The following TEX29 variants were observed in gnomAD, a reference collection of about 807,000 sequenced individuals.
The protein encoded by TEX29 is testis-expressed protein 29.
In TEX29, 26 loss-of-function variants were observed where a neutral mutation model predicts 18.2. That is an observed-to-expected ratio of 1.43 (90% CI 1.04 to 1.98). The LOEUF is 1.98. Among genes scored for constraint, TEX29 ranks in the 30% most tolerant of loss-of-function variants. The probability of loss-of-function intolerance (pLI) is 0.00; values close to 1 mark genes in which losing one functional copy is unlikely to be tolerated. For missense variants in TEX29, 177 were observed against 194.2 expected, an observed-to-expected ratio of 0.91 and a Z score of 0.53; for synonymous variants, 83 against 78.5, an observed-to-expected ratio of 1.06 and a Z score of -0.31.
At chr13:111,325,063 A>G (rs901733900) in intron 2 of TEX29, among the ~76,000 whole-genome samples, 3 of 151,060 alleles carry the variant, frequency 2.0e-5, no homozygotes, top group Non-Finnish European at 3.0e-5. Flanking sequence ...TTGAAACCTC[A>G]CTCCACGGGC....
intron 4 of TEX29, 42 bp from the exon 5 acceptor site, chr13:111,342,714 T>C: frequency 6.3e-7 from 1 of 1,593,078 alleles, no homozygotes; most frequent in Non-Finnish European, 8.6e-7. Context: ...GAGTTTTCCA[T>C]CTGTAACTTC....
At chr13:111,323,162 G>T (rs193024827) in intron 2 of TEX29, among the ~76,000 whole-genome samples, 37 of 152,300 alleles carry the variant, frequency 2.4e-4, no homozygotes, top group African/African-American at 7.7e-4. Context: ...AGCCCTGCTG[G>T]GCTTCCCCAT....
chr13:111,339,877 T>C lies in TEX29; in HGVS notation c.184T>C (p.Phe62Leu). The C allele has an allele frequency of 2.5e-6, 4 of 1,614,100 alleles. No homozygotes were observed. The highest frequency in any genetic ancestry group is 2.5e-6 in the Non-Finnish European group (3 of 1,179,954). ...CCATTTTTCAGTTTACATCCACGTG[T>C]TCTCTGCCTTGATTGTGATCATCGC... is the stretch of plus-strand genomic sequence containing the variant. ...KKAVPIYIHV[F>L]SALIVIIAGA... is the part of the protein sequence containing the mutation. Residue 62 changes from phenylalanine (F) to leucine (L), a missense_variant, in exon 4 of 6, where the codon TTC becomes CTC. By Grantham distance (22) the Phe-to-Leu change is conservative. Coordinates refer to ENST00000283547, the MANE Select transcript of TEX29 (RefSeq NM_152324.3).
In TEX29 at chr13:111,338,074, C is replaced by T. The variant is rs2479964; in HGVS notation, c.170-1789C>T. ...TGAGTCCAGGGAGTGCGGATCCCTT[C>T]GGAAGCTGGCTCATGTGCCCAGGAG... On this transcript the variant is annotated intron_variant, in intron 3 of 5. Coordinates refer to ENST00000283547, the MANE Select transcript of TEX29 (RefSeq NM_152324.3). 6.2e-3 allele frequency among the ~76,000 whole-genome samples: 945 copies of T among 152,168 alleles called. 12 individuals carry two copies. Among genetic ancestry groups the T allele is most frequent in the African/African-American group, 0.022 (909 of 41,542 alleles).
chr13:111,336,924 A>G (rs938294336), intron 3 of TEX29, among the ~76,000 whole-genome samples: 7 of 152,216 alleles, frequency 4.6e-5, no homozygotes, highest in African/African-American at 1.7e-4. Flanking sequence ...ACTGACGGTG[A>G]AATACTAAGA....
rs76999838 is a variant in TEX29, at chr13:111,328,497, C to T, written c.169+204C>T. Among the ~76,000 whole-genome samples the T allele has an allele frequency of 4.3e-3, 654 of 152,194 alleles. 8 individuals are homozygous for T. Among genetic ancestry groups the T allele is most frequent in the East Asian group, 0.026 (133 of 5,172 alleles). ...TGGGCTGGAGGGCCTGTGAATGTGA[C>T]GTAAGCCACCATAGGGGTTCCATTC... On this transcript the variant is annotated intron_variant, in intron 3 of 5. Coordinates refer to ENST00000283547, the MANE Select transcript of TEX29 (RefSeq NM_152324.3).
chr13:111,330,121 A>C (rs1463001496), intron 3 of TEX29, among the ~76,000 whole-genome samples: 1 of 151,684 alleles, frequency 6.6e-6, no homozygotes, highest in Non-Finnish European at 1.5e-5. Context: ...GGGGAAGAAG[A>C]GAAAAAGGAA....
At chr13:111,320,411 G>T (rs2093661842), upstream of TEX29, among the ~76,000 whole-genome samples, 1 of 152,198 alleles carries the variant, frequency 6.6e-6, no homozygotes, top group Non-Finnish European at 1.5e-5. Flanking sequence ...AGGGGCGGGG[G>T]TATCCTGCAG....
chr13:111,343,015 C>T, intron 5 of TEX29, 84 bp downstream of exon 5: 3 of 1,492,960 alleles, frequency 2.0e-6, no homozygotes, highest in Non-Finnish European at 1.8e-6. Context: ...GGAAGGGGCT[C>T]AACATCTACA....
chr13:111,337,344 A>G (rs2093690923), intron 3 of TEX29, among the ~76,000 whole-genome samples: 1 of 152,214 alleles, frequency 6.6e-6, no homozygotes, highest in Admixed American at 6.5e-5. Flanking sequence ...TTGGCGTCCC[A>G]GATGATTCAC....
At chr13:111,324,880 G>C (rs1332788925) in intron 2 of TEX29, among the ~76,000 whole-genome samples, 1 of 152,144 alleles carries the variant, frequency 6.6e-6, no homozygotes. Context: ...AAAAATAACG[G>C]AACGTTTACC....
At chr13:111,320,485 A>G (rs1279485032), upstream of TEX29, among the ~76,000 whole-genome samples, 3 of 152,154 alleles carry the variant, frequency 2.0e-5, no homozygotes, top group Non-Finnish European at 4.4e-5. Flanking sequence ...CCCTCCCTAC[A>G]TCTGTTCATC....
At position 111,344,083 on chromosome 13, in the gene TEX29, T is replaced by G; in HGVS notation, c.416T>G (p.Val139Gly). The part of the protein sequence containing the change: ...SMKSDEDKDD[V>G]TGTITEAEET... Reference sequence around the variant, plus strand: ...CAATTCTTCTTTTCTAAAAATCTAGTAACAGGGACAATAACAGAAGCCGAA... The same window carrying G: ...CAATTCTTCTTTTCTAAAAATCTAGGAACAGGGACAATAACAGAAGCCGAA... The change falls in exon 6 of 6, where the codon GTA becomes GGA. Residue 139 changes from valine to glycine, a missense_variant and splice_region_variant. Transcript: ENST00000283547. 1 of 1,610,864 alleles carries G rather than the reference T, an allele frequency of 6.2e-7. No homozygotes were observed. The highest frequency in any genetic ancestry group is 1.1e-5 in the South Asian group (1 of 90,638).
At chr13:111,330,101 C>T (rs961145102) in intron 3 of TEX29, among the ~76,000 whole-genome samples, 4 of 151,870 alleles carry the variant, frequency 2.6e-5, no homozygotes, top group African/African-American at 7.3e-5. Context: ...CTTTCTGCAT[C>T]GTGAGACTAG....
intron 4 of TEX29, 23 bp from the exon 5 acceptor site, chr13:111,342,733 T>C (rs951970183): frequency 1.2e-6 from 2 of 1,606,808 alleles, no homozygotes; most frequent in African/African-American, 1.3e-5. Context: ...TCCCTGACTG[T>C]GATAAAACCC....
chr13:111,322,882 C>T lies in TEX29; in HGVS notation c.58+1934C>T, dbSNP rs529262779. On this transcript the variant is annotated intron_variant, in intron 2 of 5. Coordinates refer to ENST00000283547, the MANE Select transcript of TEX29 (RefSeq NM_152324.3). ...GAGTTGGCTCAGGTGTCAGCACCAC[C>T]GGTGGCCTCAGCGGGCAGGTGGGGA... is the stretch of plus-strand genomic sequence containing the variant. 1.1e-3 allele frequency among the ~76,000 whole-genome samples: 169 copies of T among 152,278 alleles called. 2 individuals are homozygous for T. The highest frequency in any genetic ancestry group is 3.7e-3 in the African/African-American group (153 of 41,554).
chr13:111,342,019 G>T lies in TEX29; in HGVS notation c.240-737G>T, dbSNP rs557386742. Among the ~76,000 whole-genome samples, 4 of 152,348 alleles carry T rather than the reference G, an allele frequency of 2.6e-5. No individual in the cohort carries two copies. In the South Asian group the frequency reaches 6.2e-4, roughly 24 times the overall value. Reference sequence around the variant, plus strand: ...GTGGCCTGCGTCCTCATTGCAGGGTGTCAGGGTTTGGAGGTGTCTCAGAGA... The same window carrying T: ...GTGGCCTGCGTCCTCATTGCAGGGTTTCAGGGTTTGGAGGTGTCTCAGAGA... On this transcript the variant is annotated intron_variant, in intron 4 of 5. Coordinates refer to ENST00000283547, the MANE Select transcript of TEX29 (RefSeq NM_152324.3).
At position 111,320,974 on chromosome 13, in the gene TEX29, C is replaced by T. The variant is rs200057252; in HGVS notation, c.58+26C>T. On this transcript the variant is annotated intron_variant, in intron 2 of 5. Transcript: ENST00000283547. ...GTATGGAGGGAAGGCGCCAGGGGGG[C>T]GGGTGGGGTGGGGGAGCAGTTGGGG... The T allele has an allele frequency of 5.4e-3, 890 of 165,486 alleles. 2 individuals are homozygous for T. The African/African-American group carries it at 0.11, about 20-fold the overall frequency. 10.3% of individuals were successfully genotyped at this position (165,486 alleles called of 1,614,324 possible). A position where few individuals can be genotyped will look rare whatever the true frequency, so the allele number is the denominator to read the frequency against.
Position 111,336,462 on chromosome 13 carries a change from A to G in TEX29, c.170-3401A>G, listed in dbSNP as rs371922447. On this transcript the variant is annotated intron_variant, in intron 3 of 5. Coordinates refer to ENST00000283547, the MANE Select transcript of TEX29 (RefSeq NM_152324.3). ...TTAAATTGGCTGGTTTGAAGTGCACATTGTGTTATGGCATAATCTGTATTA... is the reference window on the plus strand; with the variant it reads ...TTAAATTGGCTGGTTTGAAGTGCACGTTGTGTTATGGCATAATCTGTATTA... 7.3e-4 allele frequency among the ~76,000 whole-genome samples: 111 copies of G among 152,348 alleles called. 1 individual carries two copies. In the South Asian group the frequency reaches 0.01, roughly 14 times the overall value.
Sources: allele counts gnomAD v4.1 joint callset (sites outside exome capture counted in the v4.1 genomes callset), GRCh38; gene constraint gnomAD v4.1.1; transcripts MANE v1.5; gene names NCBI Gene and HGNC (gene_info 2026-07-23, HGNC 2026-07-21).